The following ANO10 variants were observed in gnomAD, a reference collection of about 807,000 sequenced individuals.
ANO10 encodes anoctamin-10.
ANO10 carries 77 observed loss-of-function variants against 74.7 expected under a neutral mutation model. The ratio of observed to expected loss-of-function variants is 1.03; its 90% confidence interval spans 0.86 to 1.25. ANO10 has a LOEUF of 1.25. Among genes scored for constraint, ANO10 ranks in the 50% most tolerant of loss-of-function variants. ANO10 has a pLI of 0.00. For missense variants in ANO10, 721 were observed against 778.1 expected, an observed-to-expected ratio of 0.93 and a Z score of 0.87; for synonymous variants, 279 against 284.9, an observed-to-expected ratio of 0.98 and a Z score of 0.21.
chr3:43,473,281 G>C (rs904862978), intron 11 of ANO10, among the ~76,000 whole-genome samples: 1 of 152,094 alleles, frequency 6.6e-6, no homozygotes, highest in Non-Finnish European at 1.5e-5. Context: ...CTCATGACGA[G>C]ACACTGTCCG....
rs551847834 is a variant in ANO10, at chr3:43,595,897, A to C, written c.472+2635T>G. Among the ~76,000 whole-genome samples, 548 of 152,334 alleles carry C rather than the reference A, an allele frequency of 3.6e-3. 1 individual carries two copies. The highest frequency in any genetic ancestry group is 5.8e-3 in the Non-Finnish European group (393 of 68,032). On this transcript the variant is annotated intron_variant, in intron 4 of 12. Coordinates refer to ENST00000292246, the MANE Select transcript of ANO10 (RefSeq NM_018075.5). ...CAGCCAAAAATCTCCTTAAGCTGAT[A>C]AGCAACTTCAGCAAAGTCTCAGGAT...
chr3:43,449,297 T>C (rs2074738293), intron 11 of ANO10, among the ~76,000 whole-genome samples: 1 of 152,172 alleles, frequency 6.6e-6, no homozygotes, highest in Non-Finnish European at 1.5e-5. Context: ...TCATTCTCTT[T>C]TGCAGAGAAT....
At position 43,557,053 on chromosome 3, in the gene ANO10, CA is replaced by C. The variant is rs550482599; in HGVS notation, c.1477-1585del. On this transcript the variant is annotated intron_variant, in intron 9 of 12. Coordinates refer to ENST00000292246, the MANE Select transcript of ANO10 (RefSeq NM_018075.5). ...AGCATTCCCATATGCCAGCAACAAA[CA>C]ATTAGAAATTGTATTTTTAAAGAGA... Among the ~76,000 whole-genome samples the C allele has an allele frequency of 4.3e-3, 648 of 150,846 alleles. 3 individuals are homozygous for C. The highest frequency in any genetic ancestry group is 7.6e-3 in the Non-Finnish European group (513 of 67,748).
chr3:43,450,438 C>T (rs868709871), intron 11 of ANO10, among the ~76,000 whole-genome samples: 3 of 152,086 alleles, frequency 2.0e-5, no homozygotes, highest in Middle Eastern at 3.4e-3. Flanking sequence ...CTACTCGGGA[C>T]GCTGAGGCAA....
At chr3:43,600,302 A>T in intron 3 of ANO10, 82 bp downstream of exon 3, 2 of 1,510,138 alleles carry the variant, frequency 1.3e-6, no homozygotes, top group African/African-American at 1.4e-5. Context: ...TACTGAAAAA[A>T]GTTTGCTGAT....
chr3:43,690,883 C>G, intron 1 of ANO10: 1 of 1,235,618 alleles, frequency 8.1e-7, no homozygotes, highest in Non-Finnish European at 1.1e-6. Context: ...GCGCGGAAGA[C>G]GCATGCGCTG....
In ANO10 at chr3:43,612,863, T is replaced by C. The variant is rs116388326; in HGVS notation, c.-11-7000A>G. On this transcript the variant is annotated intron_variant, in intron 1 of 12. Coordinates refer to ENST00000292246, the MANE Select transcript of ANO10 (RefSeq NM_018075.5). ...GGGCAAAAAAGGCCTTCTAAGTGAA[T>C]GTTGGATTAAAATTATACTCCCGGC... 4.3e-3 allele frequency among the ~76,000 whole-genome samples: 656 copies of C among 152,272 alleles called. 3 individuals are homozygous for C. Among genetic ancestry groups the C allele is most frequent in the Non-Finnish European group, 5.6e-3 (383 of 68,016 alleles).
chr3:43,574,926 G>C, intron 6 of ANO10, 62 bp from the exon 7 acceptor site: 1 of 1,381,274 alleles, frequency 7.2e-7, no homozygotes. Flanking sequence ...GCACTGTTAT[G>C]AGGTAAAGTG....
intron 1 of ANO10, among the ~76,000 whole-genome samples, chr3:43,685,104 GTTTA>G (rs2084258649): frequency 6.6e-6 from 1 of 152,048 alleles, no homozygotes; most frequent in African/African-American, 2.4e-5. Context: ...AATAAAGATT[GTTTA>G]TTTTATCTAA....
chr3:43,462,154 G>A (rs2075407047), intron 11 of ANO10, among the ~76,000 whole-genome samples: 1 of 152,180 alleles, frequency 6.6e-6, no homozygotes, highest in African/African-American at 2.4e-5. Context: ...TTGATTTAGG[G>A]TATTTGGTGG....
chr3:43,428,507 C>G (rs549646794), intron 12 of ANO10, among the ~76,000 whole-genome samples: 5 of 152,014 alleles, frequency 3.3e-5, no homozygotes, highest in African/African-American at 1.2e-4. Context: ...GACATTAGAG[C>G]TGCACATGTA....
In ANO10 at chr3:43,530,094, T is replaced by G. The variant is rs192939762; in HGVS notation, c.1797+19626A>C. Among the ~76,000 whole-genome samples the G allele has an allele frequency of 1.9e-4, 29 of 152,102 alleles. No homozygotes were observed. In the South Asian group the frequency reaches 3.5e-3, roughly 18 times the overall value. On this transcript the variant is annotated intron_variant, in intron 11 of 12. Coordinates refer to ENST00000292246, the MANE Select transcript of ANO10 (RefSeq NM_018075.5). ...AGATATACTAAGGAAAAATAGAAAT[T>G]AAGAAGATAGGGGATGCAATCCTAT... is the stretch of plus-strand genomic sequence containing the variant.
At chr3:43,683,456 C>T (rs1399199299) in intron 1 of ANO10, among the ~76,000 whole-genome samples, 1 of 152,174 alleles carries the variant, frequency 6.6e-6, no homozygotes, top group African/African-American at 2.4e-5. Flanking sequence ...AAGAACATTC[C>T]ATGCTCATGG....
chr3:43,409,968 T>C (rs1482069957), intron 12 of ANO10, among the ~76,000 whole-genome samples: 2 of 152,120 alleles, frequency 1.3e-5, no homozygotes, highest in African/African-American at 2.4e-5. Flanking sequence ...TTTAAGAAAA[T>C]TGTAAGGAGG....
chr3:43,397,173 C>T (rs1440736298), intron 12 of ANO10, among the ~76,000 whole-genome samples: 1 of 152,182 alleles, frequency 6.6e-6, no homozygotes, highest in Non-Finnish European at 1.5e-5. Context: ...AGGTAATCCA[C>T]CTGCCTCAGC....
chr3:43,468,697 T>C (rs372107949), intron 11 of ANO10, among the ~76,000 whole-genome samples: 1 of 144,348 alleles, frequency 6.9e-6, no homozygotes, highest in African/African-American at 2.8e-5. Flanking sequence ...CTCAGTGGGT[T>C]TTCTTTTTTT....
At chr3:43,476,248 AT>A (rs892028974) in intron 11 of ANO10, among the ~76,000 whole-genome samples, 1 of 152,216 alleles carries the variant, frequency 6.6e-6, no homozygotes, top group African/African-American at 2.4e-5. Flanking sequence ...ACAGAAGAAA[AT>A]TCCAAAAAAT....
At chr3:43,556,867 T>C (rs1395465405) in intron 9 of ANO10, among the ~76,000 whole-genome samples, 1 of 152,042 alleles carries the variant, frequency 6.6e-6, no homozygotes, top group Non-Finnish European at 1.5e-5. Flanking sequence ...GTAAGCCTAG[T>C]AGATAATAAA....
At chr3:43,451,296 C>G (rs1174304612) in intron 11 of ANO10, among the ~76,000 whole-genome samples, 1 of 152,206 alleles carries the variant, frequency 6.6e-6, no homozygotes, top group African/African-American at 2.4e-5. Context: ...CCACACTCGC[C>G]TCTGTCTCCT....
Sources: allele counts gnomAD v4.1 joint callset (sites outside exome capture counted in the v4.1 genomes callset), GRCh38; gene constraint gnomAD v4.1.1; transcripts MANE v1.5; gene names NCBI Gene and HGNC (gene_info 2026-07-23, HGNC 2026-07-21).